KIAA1217: variants seen among roughly 807,000 people sequenced by gnomAD.
KIAA1217 encodes KIAA1217, also known as sickle tail protein homolog.
In KIAA1217, 88 loss-of-function variants were observed where a neutral mutation model predicts 163.9. That is an observed-to-expected ratio of 0.54 (90% CI 0.45 to 0.64). KIAA1217 has a LOEUF of 0.64. Among genes scored for constraint, KIAA1217 ranks in the 30% least tolerant of loss-of-function variants. The pLI is 0.00. For missense variants in KIAA1217, 2,372 were observed against 2,475.0 expected (o/e 0.96, Z 0.88); for synonymous variants, 903 against 923.1 (o/e 0.98, Z 0.39).
intron 1 of KIAA1217, among the ~76,000 whole-genome samples, chr10:23,993,827 A>T (rs1334011137): frequency 6.6e-6 from 1 of 151,442 alleles, no homozygotes; most frequent in African/African-American, 2.4e-5. Context: ...TTATCCACCC[A>T]CCTCAGCCTC....
chr10:24,254,501 A>C (rs2074923239), intron 2 of KIAA1217, among the ~76,000 whole-genome samples: 1 of 152,144 alleles, frequency 6.6e-6, no homozygotes, highest in African/African-American at 2.4e-5. Flanking sequence ...ACCATTAGGA[A>C]ATGGGGGGCA....
chr10:24,422,901 CTTTTTTTTTTTT>C (rs58161228), intron 3 of KIAA1217, among the ~76,000 whole-genome samples: 4 of 120,608 alleles, frequency 3.3e-5, no homozygotes, highest in Non-Finnish European at 7.0e-5. Context: ...ATAGATTTAA[CTTTTTTTTTTTT>C]TTTTTTTTTG....
At chr10:24,265,530 G>A (rs1271481441) in intron 2 of KIAA1217, among the ~76,000 whole-genome samples, 1 of 152,012 alleles carries the variant, frequency 6.6e-6, no homozygotes, top group Non-Finnish European at 1.5e-5. Flanking sequence ...CTTCATTCTT[G>A]GTGCAACTCA....
At chr10:23,874,214 G>A (rs1206437004) in intron 1 of KIAA1217, among the ~76,000 whole-genome samples, 1 of 152,006 alleles carries the variant, frequency 6.6e-6, no homozygotes, top group Non-Finnish European at 1.5e-5. Flanking sequence ...AGTCATCACA[G>A]ATTTGTCTAA....
In KIAA1217 at chr10:24,302,430, A is replaced by G. The variant is rs573196651; in HGVS notation, c.355-78439A>G. On this transcript the variant is annotated intron_variant, in intron 2 of 20. Coordinates refer to ENST00000376454, the MANE Select transcript of KIAA1217 (RefSeq NM_019590.5). ...AGTTATTGCTGTCAGGTGCATCTCT[A>G]TACACTTCCTAATGTGTTGCTCTTT... Among the ~76,000 whole-genome samples, 29 of 152,256 alleles carry G rather than the reference A, an allele frequency of 1.9e-4. No homozygotes were observed. In the East Asian group the frequency reaches 5.2e-3, roughly 27 times the overall value.
At chr10:24,316,334 G>A (rs2043366756) in intron 2 of KIAA1217, among the ~76,000 whole-genome samples, 1 of 152,142 alleles carries the variant, frequency 6.6e-6, no homozygotes, top group Non-Finnish European at 1.5e-5. Flanking sequence ...CCAGTTTGCA[G>A]GCATGGAAGG....
At chr10:24,294,534 G>T (rs771048137) in intron 2 of KIAA1217, among the ~76,000 whole-genome samples, 1 of 152,146 alleles carries the variant, frequency 6.6e-6, no homozygotes, top group Non-Finnish European at 1.5e-5. Flanking sequence ...AGTTAGCTAC[G>T]TTCACACTGA....
chr10:24,471,021 A>G (rs2063456987), intron 5 of KIAA1217, among the ~76,000 whole-genome samples: 1 of 152,172 alleles, frequency 6.6e-6, no homozygotes, highest in South Asian at 2.1e-4. Context: ...ATCCTAGAAT[A>G]ACCCCAGGCA....
intron 17 of KIAA1217, among the ~76,000 whole-genome samples, chr10:24,539,488 C>T (rs1381513073): frequency 6.6e-6 from 1 of 152,166 alleles, no homozygotes; most frequent in Non-Finnish European, 1.5e-5. Context: ...GCCTCAGACT[C>T]CCAAAGTGCT....
At chr10:23,996,640 A>G (rs1846497437) in intron 1 of KIAA1217, among the ~76,000 whole-genome samples, 1 of 152,222 alleles carries the variant, frequency 6.6e-6, no homozygotes, top group Non-Finnish European at 1.5e-5. Flanking sequence ...TGAAGATCCT[A>G]AGTCATAAAA....
intron 1 of KIAA1217, among the ~76,000 whole-genome samples, chr10:24,218,072 T>G (rs141517241): frequency 1.9e-3 from 283 of 152,338 alleles, no homozygotes; most frequent in African/African-American, 6.6e-3. Flanking sequence ...CAATACTTTA[T>G]GATAAGAACT....
At chr10:24,340,015 C>T (rs1329501527) in intron 2 of KIAA1217, among the ~76,000 whole-genome samples, 2 of 152,142 alleles carry the variant, frequency 1.3e-5, no homozygotes, top group Non-Finnish European at 2.9e-5. Context: ...GGAAAGAAGA[C>T]CTGCTGCAGG....
intron 1 of KIAA1217, among the ~76,000 whole-genome samples, chr10:23,975,833 G>T (rs923809039): frequency 4.6e-5 from 7 of 152,126 alleles, no homozygotes; most frequent in African/African-American, 1.7e-4. Context: ...CATGTGACAT[G>T]AATTATTTAT....
intron 1 of KIAA1217, among the ~76,000 whole-genome samples, chr10:23,799,339 A>G (rs1280938145): frequency 6.6e-6 from 1 of 152,202 alleles, no homozygotes; most frequent in African/African-American, 2.4e-5. Flanking sequence ...AAAGGATTGT[A>G]GACTTTGAAA....
chr10:23,695,580 G>A lies in KIAA1217; in HGVS notation c.-321+346G>A, dbSNP rs1318933961. On this transcript the variant is annotated intron_variant, in intron 1 of 18. Transcript: ENST00000376462. The surrounding 1 kb of genome is among the most constrained non-coding windows in gnomAD (Gnocchi z 4.9). ...TGACCTTGGCGTGCCCCCCTGGAGT[G>A]GCGAGCCAGGGGCTTATATAGGTGC... Among the ~76,000 whole-genome samples the A allele has an allele frequency of 1.3e-5, 2 of 152,162 alleles. No individual in the cohort carries two copies. Among genetic ancestry groups the A allele is most frequent in the African/African-American group, 4.8e-5 (2 of 41,462 alleles).
chr10:24,239,879 T>C (rs750756133), intron 2 of KIAA1217, among the ~76,000 whole-genome samples: 1 of 152,158 alleles, frequency 6.6e-6, no homozygotes, highest in Non-Finnish European at 1.5e-5. Context: ...TCTGATGCTT[T>C]TCTCACCGAG....
chr10:24,048,720 A>G (rs1589296137), intron 2 of KIAA1217, among the ~76,000 whole-genome samples: 1 of 127,208 alleles, frequency 7.9e-6, no homozygotes, highest in African/African-American at 3.1e-5. Flanking sequence ...ACAGAGCAAG[A>G]CTCTGTCTCA....
At chr10:24,321,321 G>C (rs4748941) in intron 2 of KIAA1217, among the ~76,000 whole-genome samples, 1 of 151,764 alleles carries the variant, frequency 6.6e-6, no homozygotes, top group African/African-American at 2.4e-5. Context: ...AATGGATCAC[G>C]TGAGGTCAAG....
At chr10:24,111,170 A>G (rs2062830218) in intron 2 of KIAA1217, among the ~76,000 whole-genome samples, 1 of 152,216 alleles carries the variant, frequency 6.6e-6, no homozygotes, top group African/African-American at 2.4e-5. Context: ...CAGAAGCCAA[A>G]TATGAGCAAA....
Sources: gnomAD v4.1 joint callset for allele counts (sites outside exome capture counted in the v4.1 genomes callset) on GRCh38, gnomAD v4.1.1 for gene constraint, Gnocchi (gnomAD v3.1) non-coding constraint, MANE v1.5 for transcripts, NCBI Gene and HGNC (gene_info 2026-07-23, HGNC 2026-07-21) for gene names.